The following SPSB3 variants were observed in gnomAD, a reference collection of about 807,000 sequenced individuals.
SPSB3 encodes the protein splA/ryanodine receptor domain and SOCS box containing 3.
Under a neutral mutation model 29.5 loss-of-function variants are expected in SPSB3, and 18 were observed. That is an observed-to-expected ratio of 0.61 (90% CI 0.42 to 0.91). SPSB3 has a LOEUF of 0.91. SPSB3 is among the 40% of genes least tolerant of loss of function. SPSB3 has a pLI of 0.00. For synonymous variants in SPSB3, 299 were observed against 214.1 expected, an observed-to-expected ratio of 1.40 and a Z score of -3.46; for missense variants, 540 against 507.5, an observed-to-expected ratio of 1.06 and a Z score of -0.61.
At chr16:1,781,255 C>G (rs748559866) in intron 2 of SPSB3, 103 bp downstream of exon 2, 1 of 1,606,486 alleles carries the variant, frequency 6.2e-7, no homozygotes, top group East Asian at 2.2e-5. Flanking sequence ...TCAGAAGCAT[C>G]TTTTTCTCCG....
intron 5 of SPSB3, 27 bp downstream of exon 5, chr16:1,777,919 C>A (rs780588993): frequency 2.5e-6 from 4 of 1,611,804 alleles, no homozygotes; most frequent in Non-Finnish European, 3.4e-6. Flanking sequence ...CCAGGCTCGG[C>A]CCCGCCCCAC....
intron 2 of SPSB3, chr16:1,781,042 A>C: frequency 1.3e-6 from 1 of 745,238 alleles, no homozygotes; most frequent in East Asian, 4.5e-5. Context: ...CCCGTAGTGG[A>C]GAATTTCTGT....
rs1268502944 is a variant in SPSB3, at chr16:1,781,350, G to A, written c.126+8C>T. 2 of 1,612,884 alleles carry A rather than the reference G, an allele frequency of 1.2e-6. No individual in the cohort carries two copies. The highest frequency in any genetic ancestry group is 1.6e-4 in the Middle Eastern group (1 of 6,062). ...CCAGCCACGTCCGCCTCGCCCGCTG[G>A]AACCTACCTGCCCATCAGAGTCGTA... On this transcript the variant is annotated splice_region_variant and intron_variant, in intron 2 of 6. Transcript: ENST00000566339.
intron 2 of SPSB3, chr16:1,778,821 C>T (rs946900673): frequency 1.0e-5 from 5 of 498,544 alleles, no homozygotes; most frequent in Non-Finnish European, 1.7e-5. Context: ...CCAGGAGGGC[C>T]CTGGAGGCCC....
chr16:1,777,328 G>C lies in SPSB3; in HGVS notation c.837C>G (p.Tyr279Ter). Reference sequence around the variant, plus strand: ...GCTGGCGCAGGCGGTGGCAGCACAGGTACTGGAGGGAAGTGGCGCTGGCAC... The same window carrying C: ...GCTGGCGCAGGCGGTGGCAGCACAGCTACTGGAGGGAAGTGGCGCTGGCAC... ...RSCASATSLQ[Y>*]LCCHRLRQLR... is the part of the protein sequence containing the mutation. Residue 279 changes from tyrosine to a stop codon, truncating the protein, a stop_gained, in exon 7 of 7, where the codon TAC becomes TAG. Transcript: ENST00000566339. LOFTEE classifies it high-confidence loss of function. 1 of 1,609,088 alleles carries C rather than the reference G, an allele frequency of 6.2e-7. No homozygotes were observed. The highest frequency in any genetic ancestry group is 1.1e-5 in the South Asian group (1 of 91,034).
rs755856048 is a variant in SPSB3 at position 1,777,762 on chromosome 16, T to C, written c.706A>G (p.Asn236Asp). The change falls in exon 6 of 7, where the codon AAC (asparagine) becomes GAC (aspartate). Residue 236 changes from asparagine to aspartate, a missense_variant. By Grantham distance (23) the Asn-to-Asp change is conservative. Transcript: ENST00000566339. ...ACGGCCTCACCTATACACTTCCTGT[T>C]CTTGAAAAAGGTGAGTGTGCCGTGC... ...TWHGTLTFFK[N>D]RKCIGVAATK... 1 of 1,612,588 alleles carries C rather than the reference T, an allele frequency of 6.2e-7. No homozygotes were observed. Among genetic ancestry groups the C allele is most frequent in the South Asian group, 1.1e-5 (1 of 91,044 alleles).
chr16:1,776,838 C>T lies in SPSB3; in HGVS notation c.*259G>A. The T allele has an allele frequency of 1.9e-6, 1 of 535,280 alleles. No homozygotes were observed. Among genetic ancestry groups the T allele is most frequent in the Non-Finnish European group, 3.3e-6 (1 of 303,666 alleles). The allele number at this position is 535,280 out of a possible 1,614,324, so 33.2% of individuals were successfully genotyped here. The stretch of plus-strand genomic sequence containing the variant: ...CCTGTGGGAACAGCAACGCGGGCTC[C>T]AGCCAGGCTCTCGTCCTCGCAGCCT... On this transcript the variant is annotated 3_prime_UTR_variant, in exon 7 of 7. Transcript: ENST00000566339.
Position 1,777,060 on chromosome 16 carries a change from G to A in SPSB3, c.*37C>T. Reference sequence around the variant, plus strand: ...AAAGAAGGGACAGAGGAAAGGGGCTGTCCCAGCCCAAGAAGGCAGTTCCAC... The same window carrying A: ...AAAGAAGGGACAGAGGAAAGGGGCTATCCCAGCCCAAGAAGGCAGTTCCAC... On this transcript the variant is annotated 3_prime_UTR_variant, in exon 7 of 7. Transcript: ENST00000566339. 1.3e-6 allele frequency: 2 copies of A among 1,595,194 alleles called. No homozygotes were observed. Among genetic ancestry groups the A allele is most frequent in the Non-Finnish European group, 1.7e-6 (2 of 1,169,426 alleles).
Position 1,776,775 on chromosome 16 carries a change from G to A in SPSB3, c.*322C>T, listed in dbSNP as rs772822427. 1.7e-4 allele frequency: 74 copies of A among 442,438 alleles called. No individual in the cohort carries two copies. The highest frequency in any genetic ancestry group is 9.4e-4 in the African/African-American group (47 of 50,254). The allele number at this position is 442,438 out of a possible 1,614,324, so 27.4% of individuals were successfully genotyped here. ...TTAAGTCTATGACGGCGGGGCAGCCGCTGACAGCATGCAGAGCAAGTTAGG... is the reference window on the plus strand; with the variant it reads ...TTAAGTCTATGACGGCGGGGCAGCCACTGACAGCATGCAGAGCAAGTTAGG... On this transcript the variant is annotated 3_prime_UTR_variant, in exon 7 of 7. Coordinates refer to ENST00000566339, the MANE Select transcript of SPSB3 (RefSeq NM_080861.4).
intron 3 of SPSB3, 44 bp downstream of exon 3, chr16:1,778,391 C>G: frequency 6.2e-7 from 1 of 1,607,028 alleles, no homozygotes; most frequent in Non-Finnish European, 8.5e-7. Context: ...ACCCCCAGGC[C>G]CGCCCGCAGT....
chr16:1,777,021 A>G lies in SPSB3; in HGVS notation c.*76T>C, dbSNP rs2042723706. On this transcript the variant is annotated 3_prime_UTR_variant, in exon 7 of 7. Transcript: ENST00000566339. ...AACTCCGCCCTGGAGTGTGGCTGGA[A>G]GGAAGGGACAGAGAAAGAAGGGACA... 6.6e-7 allele frequency: 1 copy of G among 1,505,254 alleles called. No individual in the cohort carries two copies. Among genetic ancestry groups the G allele is most frequent in the Admixed American group, 1.9e-5 (1 of 52,878 alleles). The allele number at this position is 1,505,254 out of a possible 1,614,324, so 93.2% of individuals were successfully genotyped here.
intron 2 of SPSB3, 81 bp downstream of exon 2, chr16:1,781,277 G>A (rs1177491887): frequency 1.2e-6 from 2 of 1,611,298 alleles, no homozygotes; most frequent in East Asian, 2.2e-5. Flanking sequence ...CTGATTCCGT[G>A]TTCAGGTAAT....
At chr16:1,782,066 T>C (rs995381855) in intron 1 of SPSB3, 12 of 157,492 alleles carry the variant, frequency 7.6e-5, no homozygotes, top group African/African-American at 2.9e-4. Flanking sequence ...TGGTATAAAA[T>C]GCAAAAGGCT....
At chr16:1,781,529 A>G in intron 1 of SPSB3, 34 bp from the exon 2 acceptor site, 7 of 1,595,396 alleles carry the variant, frequency 4.4e-6, no homozygotes, top group Non-Finnish European at 5.1e-6. Flanking sequence ...GCAAAGGAAG[A>G]CTCACAGCAC....
chr16:1,778,282 G>C lies in SPSB3; in HGVS notation c.344C>G (p.Ala115Gly). The C allele has an allele frequency of 6.2e-7, 1 of 1,612,664 alleles. No homozygotes were observed. The highest frequency in any genetic ancestry group is 8.5e-7 in the Non-Finnish European group (1 of 1,179,996). ...WVWDDLNKSS[A>G]TLLSCDNRKV... The stretch of plus-strand genomic sequence containing the variant: ...ACGGTTGTCACAGCTCAGCAGGGTG[G>C]CTGATGACTTATTTAAGTCATCCCA... The change falls in exon 4 of 7, where the codon GCC (alanine) becomes GGC (glycine). Residue 115 changes from alanine to glycine, a missense_variant. Transcript: ENST00000566339.
intron 6 of SPSB3, 102 bp downstream of exon 6, chr16:1,777,645 G>C (rs1362496145): frequency 1.3e-6 from 2 of 1,543,714 alleles, no homozygotes; most frequent in Non-Finnish European, 1.7e-6. Flanking sequence ...GCTTCTGGGA[G>C]GAACCCTTTC....
rs373297965 is a variant in SPSB3, at chr16:1,778,547, G to T, written c.192C>A (p.Pro64=). The T allele has an allele frequency of 1.2e-6, 2 of 1,608,034 alleles. No homozygotes were observed. Among genetic ancestry groups the T allele is most frequent in the Admixed American group, 3.3e-5 (2 of 59,886 alleles). ...AGTCACAGAAGGACTCGCCGGTCAC[G>T]GGCACCGCACTGGGGATGGATGGCG... ...TLPPSIPSAV[P]VTGESFCDCA... is the part of the protein sequence containing the mutation. Residue 64 remains proline, a synonymous_variant, in exon 3 of 7, where the codon CCC becomes CCA. Transcript: ENST00000566339.
At chr16:1,779,303 G>C (rs1308629596) in intron 2 of SPSB3, 1 of 152,454 alleles carries the variant, frequency 6.6e-6, no homozygotes, top group Admixed American at 6.5e-5. Context: ...CCCTGTCACA[G>C]ACTGTGTGGG....
At chr16:1,781,177 A>C in intron 2 of SPSB3, 181 bp downstream of exon 2, 1 of 1,535,934 alleles carries the variant, frequency 6.5e-7, no homozygotes, top group Non-Finnish European at 8.7e-7. Flanking sequence ...TCCTTTGCCA[A>C]ATTAAAGAGT....
Sources: allele counts gnomAD v4.1 joint callset, GRCh38; gene constraint gnomAD v4.1.1; transcripts MANE v1.5; gene names NCBI Gene and HGNC (gene_info 2026-07-23, HGNC 2026-07-21).